The following DAAM1 variants were observed in gnomAD, a reference collection of about 807,000 sequenced individuals.
DAAM1 encodes the protein dishevelled associated activator of morphogenesis 1, also known as disheveled-associated activator of morphogenesis 1.
A neutral mutation model predicts 130.0 loss-of-function variants in DAAM1; 52 were observed. The ratio of observed to expected loss-of-function variants is 0.40; its 90% CI spans 0.32 to 0.50. The LOEUF is 0.50. Among genes scored for constraint, DAAM1 ranks in the 20% least tolerant of loss-of-function variants. The pLI is 0.61. For missense variants in DAAM1, 1,134 were observed against 1,303.8 expected (o/e 0.87, Z 2.01); for synonymous variants, 452 against 444.5 (o/e 1.02, Z -0.21).
chr14:59,342,595 T>G (rs1240625367), intron 16 of DAAM1, among the ~76,000 whole-genome samples: 1 of 152,238 alleles, frequency 6.6e-6, no homozygotes, highest in Non-Finnish European at 1.5e-5. Context: ...GTCACCACTT[T>G]GGAGCATTTT....
intron 15 of DAAM1, 107 bp downstream of exon 15, chr14:59,332,027 A>G: frequency 1.1e-6 from 1 of 944,918 alleles, no homozygotes; most frequent in South Asian, 1.6e-5. Flanking sequence ...TATGAATTCT[A>G]GGCTGTTGGA....
chr14:59,289,335 T>G (rs770963791), intron 2 of DAAM1, among the ~76,000 whole-genome samples: 3 of 152,086 alleles, frequency 2.0e-5, no homozygotes, highest in Non-Finnish European at 4.4e-5. Flanking sequence ...CCCTGACACA[T>G]GGGGATTACA....
At chr14:59,295,523 C>T (rs1401348509) in intron 3 of DAAM1, among the ~76,000 whole-genome samples, 1 of 152,182 alleles carries the variant, frequency 6.6e-6, no homozygotes, top group African/African-American at 2.4e-5. Context: ...ACCACACGTA[C>T]AAAAAGATTA....
At chr14:59,335,678 C>T (rs989899044) in intron 15 of DAAM1, among the ~76,000 whole-genome samples, 1 of 152,020 alleles carries the variant, frequency 6.6e-6, no homozygotes, top group African/African-American at 2.4e-5. Flanking sequence ...GAGGACAGCC[C>T]TTCCTTAAGG....
chr14:59,215,459 G>A (rs1182814109), intron 1 of DAAM1, among the ~76,000 whole-genome samples: 4 of 152,368 alleles, frequency 2.6e-5, no homozygotes, highest in Non-Finnish European at 5.9e-5. Flanking sequence ...TGGAAAAGAA[G>A]TGGTGGCTGG....
intron 15 of DAAM1, 66 bp downstream of exon 15, chr14:59,331,986 C>G: frequency 7.3e-7 from 1 of 1,376,954 alleles, no homozygotes; most frequent in Non-Finnish European, 1.0e-6. Context: ...TGATCTCTGG[C>G]CCATCAGCCA....
intron 18 of DAAM1, among the ~76,000 whole-genome samples, chr14:59,353,134 G>T (rs1193543747): frequency 6.6e-6 from 1 of 152,158 alleles, no homozygotes; most frequent in Non-Finnish European, 1.5e-5. Flanking sequence ...TCTTCCCACG[G>T]AGCCTTGGCA....
chr14:59,325,590 T>A (rs1885175435), intron 8 of DAAM1, 74 bp from the exon 9 acceptor site: 1 of 1,286,362 alleles, frequency 7.8e-7, no homozygotes, highest in Non-Finnish European at 1.1e-6. Context: ...AACCATGATA[T>A]TAATGTCCTC....
At chr14:59,242,806 G>A (rs1237680753) in intron 1 of DAAM1, among the ~76,000 whole-genome samples, 3 of 152,018 alleles carry the variant, frequency 2.0e-5, no homozygotes, top group African/African-American at 7.3e-5. Context: ...GATCTGCCTC[G>A]GCCTCCCAAA....
rs28460744 is a variant in DAAM1 at position 59,212,372 on chromosome 14, A to G, written c.-38+23604A>G. On this transcript the variant is annotated intron_variant, in intron 1 of 24. Transcript: ENST00000360909. ...ATCAGTTGTCACAAGGTGAACAAAT[A>G]TAAGTAATTAAGTCAAAGTTTTGAA... Among the ~76,000 whole-genome samples the G allele has an allele frequency of 2.6e-3, 401 of 152,362 alleles. 3 individuals are homozygous for G. Among genetic ancestry groups the G allele is most frequent in the African/African-American group, 8.9e-3 (372 of 41,584 alleles).
intron 21 of DAAM1, 70 bp from the exon 22 acceptor site, chr14:59,360,732 T>C: frequency 7.3e-7 from 1 of 1,377,814 alleles, no homozygotes; most frequent in Non-Finnish European, 1.0e-6. Context: ...GCGTGAAATA[T>C]TTAAACCCAT....
chr14:59,240,744 A>T (rs141087217), intron 1 of DAAM1, among the ~76,000 whole-genome samples: 26 of 152,318 alleles, frequency 1.7e-4, no homozygotes, highest in African/African-American at 5.8e-4. Context: ...CCACATAAAG[A>T]TCTCTGGTCG....
intron 2 of DAAM1, among the ~76,000 whole-genome samples, chr14:59,278,479 A>G (rs982340107): frequency 1.3e-5 from 2 of 152,344 alleles, no homozygotes; most frequent in South Asian, 2.1e-4. Flanking sequence ...TCTGGAATTT[A>G]TTCTTTTAGA....
chr14:59,197,982 T>G (rs562677874), intron 1 of DAAM1, among the ~76,000 whole-genome samples: 2 of 152,218 alleles, frequency 1.3e-5, no homozygotes, highest in Non-Finnish European at 2.9e-5. Context: ...ATTGTTTTTC[T>G]GACGAACAAG....
intron 1 of DAAM1, among the ~76,000 whole-genome samples, chr14:59,242,523 T>G (rs1341669924): frequency 6.6e-6 from 1 of 152,220 alleles, no homozygotes. Context: ...TTACAGATAT[T>G]TATTTAATCT....
At chr14:59,266,415 G>A (rs1882444316) in intron 2 of DAAM1, among the ~76,000 whole-genome samples, 2 of 152,210 alleles carry the variant, frequency 1.3e-5, no homozygotes, top group South Asian at 4.1e-4. Flanking sequence ...CCGTGTGGTG[G>A]TAGCTTCATG....
intron 1 of DAAM1, among the ~76,000 whole-genome samples, chr14:59,215,141 T>C (rs768287357): frequency 7.9e-5 from 12 of 152,250 alleles, no homozygotes; most frequent in Non-Finnish European, 1.6e-4. Flanking sequence ...TGGCTCAGTG[T>C]AGCTGTGGAA....
chr14:59,196,597 G>A (rs981296755), intron 1 of DAAM1, among the ~76,000 whole-genome samples: 1 of 152,054 alleles, frequency 6.6e-6, no homozygotes, highest in Admixed American at 6.5e-5. Flanking sequence ...CAAAAAATTA[G>A]CCGGGCGTGG....
intron 4 of DAAM1, among the ~76,000 whole-genome samples, chr14:59,318,579 G>T (rs1200018979): frequency 6.6e-6 from 1 of 151,360 alleles, no homozygotes; most frequent in Non-Finnish European, 1.5e-5. Context: ...TAAATGTGAG[G>T]CTTGAAAGCT....
Sources: gnomAD v4.1 joint callset for allele counts (sites outside exome capture counted in the v4.1 genomes callset) on GRCh38, gnomAD v4.1.1 for gene constraint, MANE v1.5 for transcripts, NCBI Gene and HGNC (gene_info 2026-07-23, HGNC 2026-07-21) for gene names.